The following ULK4 variants were observed in gnomAD, a reference collection of about 807,000 sequenced individuals.
The protein encoded by ULK4 is inactive serine/threonine-protein kinase ULK4.
A neutral mutation model predicts 160.6 loss-of-function variants in ULK4; 133 were observed. That is an observed-to-expected ratio of 0.83 (90% CI 0.72 to 0.96). The LOEUF is 0.96. Among genes scored for constraint, ULK4 ranks in the 40% least tolerant of loss-of-function variants. ULK4 has a pLI of 0.00. For synonymous variants in ULK4, 534 were observed against 539.8 expected (o/e 0.99, Z 0.15); for missense variants, 1,580 against 1,499.5 (o/e 1.05, Z -0.89).
intron 34 of ULK4, among the ~76,000 whole-genome samples, chr3:41,441,382 G>A (rs898710557): frequency 2.6e-5 from 4 of 151,768 alleles, no homozygotes; most frequent in Admixed American, 1.3e-4. Flanking sequence ...TATTCTTTTC[G>A]ATTTTTAATT....
At chr3:41,281,200 C>G (rs988195612) in intron 35 of ULK4, among the ~76,000 whole-genome samples, 9 of 152,314 alleles carry the variant, frequency 5.9e-5, no homozygotes, top group Admixed American at 2.0e-4. Flanking sequence ...CAGACGGATT[C>G]ATACCAGAAT....
chr3:41,725,892 C>CA (rs2037630864), intron 22 of ULK4, among the ~76,000 whole-genome samples: 1 of 152,184 alleles, frequency 6.6e-6, no homozygotes, highest in Admixed American at 6.5e-5. Context: ...TTAATCCAAA[C>CA]AGAGACTGAG....
At chr3:41,473,600 T>A (rs1356380421) in intron 32 of ULK4, among the ~76,000 whole-genome samples, 1 of 145,118 alleles carries the variant, frequency 6.9e-6, no homozygotes. Context: ...AGGCGGAGGT[T>A]GCAGTGAGCT....
chr3:41,663,092 G>A (rs2035236335), intron 30 of ULK4, among the ~76,000 whole-genome samples: 2 of 151,648 alleles, frequency 1.3e-5, no homozygotes, highest in South Asian at 2.1e-4. Flanking sequence ...ATGGCGGCGG[G>A]CACCTGTAAT....
At chr3:41,511,385 C>A (rs956045748) in intron 32 of ULK4, among the ~76,000 whole-genome samples, 3 of 151,744 alleles carry the variant, frequency 2.0e-5, no homozygotes, top group Admixed American at 6.6e-5. Context: ...AATTGATAGA[C>A]CATTAGTGAG....
Position 41,828,690 on chromosome 3 carries a change from G to T in ULK4, c.1764+7174C>A, listed in dbSNP as rs562190669. Among the ~76,000 whole-genome samples the T allele has an allele frequency of 1.8e-4, 28 of 151,706 alleles. No individual in the cohort carries two copies. In the East Asian group the frequency reaches 5.4e-3, roughly 29 times the overall value. On this transcript the variant is annotated intron_variant, in intron 18 of 36. Coordinates refer to ENST00000301831, the MANE Select transcript of ULK4 (RefSeq NM_017886.4). ...AACATTCCATGCTCATGGGTAGGAA[G>T]AATCAGTATCGTGAAAATGGCCATA...
intron 30 of ULK4, among the ~76,000 whole-genome samples, chr3:41,622,794 C>T (rs2033320008): frequency 6.6e-6 from 1 of 152,166 alleles, no homozygotes; most frequent in African/African-American, 2.4e-5. Flanking sequence ...TCTCTAAATA[C>T]TCTTTTAGTC....
intron 30 of ULK4, among the ~76,000 whole-genome samples, chr3:41,634,521 T>C (rs890572405): frequency 1.3e-5 from 2 of 152,204 alleles, no homozygotes; most frequent in African/African-American, 4.8e-5. Context: ...GAAAAATGCA[T>C]GGCAAGTAGC....
chr3:41,738,935 C>A (rs1019039862), intron 22 of ULK4, among the ~76,000 whole-genome samples: 2 of 151,902 alleles, frequency 1.3e-5, no homozygotes. Flanking sequence ...ACTACTTGAA[C>A]CCCTACAGCA....
At chr3:41,939,787 C>T (rs1041599130) in intron 2 of ULK4, among the ~76,000 whole-genome samples, 4 of 152,162 alleles carry the variant, frequency 2.6e-5, no homozygotes, top group African/African-American at 7.2e-5. Flanking sequence ...CAAGCATTAC[C>T]GCTTGAGCTC....
chr3:41,347,254 T>A (rs2080819136), intron 35 of ULK4, among the ~76,000 whole-genome samples: 1 of 152,242 alleles, frequency 6.6e-6, no homozygotes. Context: ...ACTAGACTTG[T>A]CATGTGTATA....
At chr3:41,793,961 T>A (rs1013154392) in intron 20 of ULK4, among the ~76,000 whole-genome samples, 1 of 152,164 alleles carries the variant, frequency 6.6e-6, no homozygotes, top group Non-Finnish European at 1.5e-5. Context: ...CAGTGGTTCT[T>A]AAATATCAGC....
At position 41,618,975 on chromosome 3, in the gene ULK4, C is replaced by T. The variant is rs189434394; in HGVS notation, c.3072-3258G>A. 2.6e-5 allele frequency among the ~76,000 whole-genome samples: 4 copies of T among 151,732 alleles called. No homozygotes were observed. In the East Asian group the frequency reaches 7.7e-4, roughly 29 times the overall value. ...GAAAAAAAAAAGCAGGGGTTGCAAT[C>T]CTAGTCTCTAGGATTTAAAATAGAC... On this transcript the variant is annotated intron_variant, in intron 30 of 36. Transcript: ENST00000301831.
intron 22 of ULK4, among the ~76,000 whole-genome samples, 190 bp from the exon 23 acceptor site, chr3:41,718,051 A>T (rs2037332164): frequency 6.6e-6 from 1 of 152,212 alleles, no homozygotes; most frequent in Admixed American, 6.5e-5. Flanking sequence ...AAAGAAAATA[A>T]AGCAACTTCA....
At chr3:41,626,060 C>G (rs1396258975) in intron 30 of ULK4, among the ~76,000 whole-genome samples, 1 of 152,118 alleles carries the variant, frequency 6.6e-6, no homozygotes, top group African/African-American at 2.4e-5. Context: ...TTAATGGTGC[C>G]ATTTAATGAC....
chr3:41,494,722 T>C (rs1245287668), intron 32 of ULK4, among the ~76,000 whole-genome samples: 1 of 152,092 alleles, frequency 6.6e-6, no homozygotes, highest in African/African-American at 2.4e-5. Flanking sequence ...GATAAGCAAC[T>C]TCAGCAAAGT....
chr3:41,455,624 C>T (rs3816945), intron 33 of ULK4, 29 bp from the exon 34 acceptor site: 31 of 1,608,854 alleles, frequency 1.9e-5, no homozygotes, highest in African/African-American at 8.0e-5. Context: ...AAATGAAAGA[C>T]GGTCTTGGTG....
chr3:41,314,429 C>T (rs2080109324), intron 35 of ULK4, among the ~76,000 whole-genome samples: 1 of 152,102 alleles, frequency 6.6e-6, no homozygotes, highest in Non-Finnish European at 1.5e-5. Context: ...TTAGCTCCCA[C>T]TTATGAGTTT....
intron 21 of ULK4, among the ~76,000 whole-genome samples, chr3:41,773,824 C>T (rs1449433544): frequency 6.6e-6 from 1 of 152,174 alleles, no homozygotes; most frequent in Non-Finnish European, 1.5e-5. Flanking sequence ...TCAAACTATA[C>T]TACAAGGCTA....
Sources: gnomAD v4.1 joint callset for allele counts (sites outside exome capture counted in the v4.1 genomes callset) on GRCh38, gnomAD v4.1.1 for gene constraint, MANE v1.5 for transcripts, NCBI Gene and HGNC (gene_info 2026-07-23, HGNC 2026-07-21) for gene names.